FBXL2: variants seen among roughly 807,000 people sequenced by gnomAD.
The protein encoded by FBXL2 is F-box and leucine rich repeat protein 2, also known as F-box/LRR-repeat protein 2.
A neutral mutation model predicts 69.2 loss-of-function variants in FBXL2; 38 were observed. The ratio of observed to expected loss-of-function variants is 0.55; its 90% CI spans 0.42 to 0.72. The LOEUF (loss-of-function observed/expected upper bound fraction) is 0.72, where lower values mean the gene tolerates loss of function less well. FBXL2 is among the 30% of genes least tolerant of loss of function. The probability of loss-of-function intolerance (pLI) is 0.00; values close to 1 mark genes in which losing one functional copy is unlikely to be tolerated. For missense variants in FBXL2, 354 were observed against 520.3 expected (o/e 0.68, Z 3.11); for synonymous variants, 192 against 201.3 (o/e 0.95, Z 0.39).
At chr3:33,396,295 T>TG in intron 12 of FBXL2, 1 of 1,558,862 alleles carries the variant, frequency 6.4e-7, no homozygotes, top group Non-Finnish European at 8.8e-7. Flanking sequence ...AATCAGAAGA[T>TG]GCCACTGATG....
chr3:33,281,290 C>T (rs543352837), intron 1 of FBXL2, among the ~76,000 whole-genome samples: 115 of 151,982 alleles, frequency 7.6e-4, no homozygotes, highest in African/African-American at 2.2e-3. Context: ...TGAGAACATG[C>T]GGTGTTTGGT....
intron 2 of FBXL2, among the ~76,000 whole-genome samples, chr3:33,334,218 C>G (rs941927949): frequency 1.3e-5 from 2 of 152,284 alleles, no homozygotes; most frequent in African/African-American, 4.8e-5. Flanking sequence ...TCAATGTAGT[C>G]TGATGTTTTG....
chr3:33,280,788 A>T (rs952811640), intron 1 of FBXL2, among the ~76,000 whole-genome samples: 1 of 152,026 alleles, frequency 6.6e-6, no homozygotes, highest in African/African-American at 2.4e-5. Flanking sequence ...TATGGAACAA[A>T]ATCTATTGGG....
At chr3:33,414,972 CATA>C in the FBXL2 span, among the ~76,000 whole-genome samples, 38,789 of 151,896 alleles carry the variant, frequency 0.26, 5,789 homozygotes, top group East Asian at 0.47. Context: ...TTCATTACGT[CATA>C]ATGAGGTGTC....
chr3:33,360,445 A>T lies in FBXL2; in HGVS notation c.195+1088A>T, dbSNP rs138229097. On this transcript the variant is annotated intron_variant, in intron 4 of 14. Coordinates refer to ENST00000484457, the MANE Select transcript of FBXL2 (RefSeq NM_012157.5). ...CTTACAGTAAGTGGGGCAGAGCAGAAGATTTCCCTTTATTAAATAAAGGGG... is the reference window on the plus strand; with the variant it reads ...CTTACAGTAAGTGGGGCAGAGCAGATGATTTCCCTTTATTAAATAAAGGGG... Among the ~76,000 whole-genome samples the T allele has an allele frequency of 2.8e-4, 42 of 152,286 alleles. No homozygotes were observed. The Middle Eastern group carries it at 0.01, about 37-fold the overall frequency.
At chr3:33,296,518 A>G (rs1269948693) in intron 1 of FBXL2, among the ~76,000 whole-genome samples, 2 of 152,062 alleles carry the variant, frequency 1.3e-5, no homozygotes, top group African/African-American at 2.4e-5. Flanking sequence ...TCTTATATTT[A>G]TTTAAGTCGC....
At chr3:33,401,406 G>C (rs1320509487) in intron 12 of FBXL2, among the ~76,000 whole-genome samples, 1 of 152,110 alleles carries the variant, frequency 6.6e-6, no homozygotes, top group African/African-American at 2.4e-5. Flanking sequence ...CAAAAAAAAT[G>C]AGCTACAAGA....
intron 2 of FBXL2, among the ~76,000 whole-genome samples, chr3:33,335,544 AAT>A (rs1441997638): frequency 1.3e-5 from 2 of 152,158 alleles, no homozygotes; most frequent in Non-Finnish European, 2.9e-5. Context: ...TGTCTCAAAA[AAT>A]AAAAATTTAG....
chr3:33,291,687 A>T (rs1040706000), intron 1 of FBXL2, among the ~76,000 whole-genome samples: 3 of 152,232 alleles, frequency 2.0e-5, no homozygotes, highest in African/African-American at 7.2e-5. Context: ...AAAAAAATAC[A>T]GAGAGGTATA....
intron 5 of FBXL2, among the ~76,000 whole-genome samples, chr3:33,365,852 CTAAAA>C (rs2041922554): frequency 6.6e-6 from 1 of 152,072 alleles, no homozygotes. Flanking sequence ...ATGAGTTTGG[CTAAAA>C]TTAGGATATA....
In FBXL2 at chr3:33,338,480, G is replaced by C. The variant is rs147325678; in HGVS notation, c.66-20487G>C. ...GTCTGAGTAGCCAAAACTATCCTAA[G>C]CAAAAAGAACAAAACTGGAGGTATC... On this transcript the variant is annotated intron_variant, in intron 2 of 14. Coordinates refer to ENST00000484457, the MANE Select transcript of FBXL2 (RefSeq NM_012157.5). 9.3e-4 allele frequency among the ~76,000 whole-genome samples: 142 copies of C among 152,072 alleles called. 1 individual carries two copies. The highest frequency in any genetic ancestry group is 3.3e-3 in the African/African-American group (135 of 41,510).
chr3:33,403,572 GTCTGTCTGTCTGTCTATCTA>G (rs2044322653), exon 13 of FBXL2: 1 of 140,842 alleles, frequency 7.1e-6, no homozygotes, highest in Non-Finnish European at 1.6e-5. Context: ...CTGTCTGTCT[GTCTGTCTGTCTGTCTATCTA>G]TCTATCTATC....
At chr3:33,314,467 A>T (rs187087591) in intron 2 of FBXL2, among the ~76,000 whole-genome samples, 2 of 152,306 alleles carry the variant, frequency 1.3e-5, no homozygotes, top group African/African-American at 4.8e-5. Context: ...CTACAGGTTC[A>T]TCCATGTTGT....
At chr3:33,401,398 A>G (rs17029983) in intron 12 of FBXL2, among the ~76,000 whole-genome samples, 19,320 of 152,170 alleles carry the variant, frequency 0.13, 1,768 homozygotes, top group East Asian at 0.43. Context: ...AATAATTGCA[A>G]AAAAAATGAG....
At chr3:33,349,357 T>G (rs1009574949) in intron 2 of FBXL2, among the ~76,000 whole-genome samples, 4 of 152,204 alleles carry the variant, frequency 2.6e-5, no homozygotes, top group Non-Finnish European at 5.9e-5. Flanking sequence ...TCAATTGAAT[T>G]GATCATATGG....
chr3:33,348,189 T>G (rs765902106), intron 2 of FBXL2, among the ~76,000 whole-genome samples: 5 of 152,180 alleles, frequency 3.3e-5, no homozygotes, highest in Non-Finnish European at 5.9e-5. Flanking sequence ...CCATTTTAAT[T>G]TGATTTTTGT....
rs565222745 is a variant in FBXL2 at position 33,351,123 on chromosome 3, C to T, written c.66-7844C>T. Among the ~76,000 whole-genome samples the T allele has an allele frequency of 4.6e-5, 7 of 151,974 alleles. No individual in the cohort carries two copies. In the South Asian group the frequency reaches 8.3e-4, roughly 18 times the overall value. ...TCTACCAAAAAATACAAAAATTAGC[C>T]GGGCATGGTGGTGGTAGCTGTAATC... On this transcript the variant is annotated intron_variant, in intron 2 of 14. Transcript: ENST00000484457.
At chr3:33,379,826 C>T (rs550745899) in intron 13 of FBXL2, among the ~76,000 whole-genome samples, 1 of 152,072 alleles carries the variant, frequency 6.6e-6, no homozygotes, top group Non-Finnish European at 1.5e-5. Flanking sequence ...AGGGTTTACT[C>T]CAGAGACACA....
intron 12 of FBXL2, among the ~76,000 whole-genome samples, chr3:33,394,463 A>C (rs536120629): frequency 2.5e-4 from 38 of 152,204 alleles, no homozygotes; most frequent in African/African-American, 8.7e-4. Context: ...ACTATATGAA[A>C]AGCTAATATA....
Sources: gnomAD v4.1 joint callset for allele counts (sites outside exome capture counted in the v4.1 genomes callset) on GRCh38, gnomAD v4.1.1 for gene constraint, MANE v1.5 for transcripts, NCBI Gene and HGNC (gene_info 2026-07-23, HGNC 2026-07-21) for gene names.